Variants in PDZRN4 observed in about 807,000 individuals in gnomAD.
PDZRN4 encodes the protein PDZ domain containing ring finger 4.
A neutral mutation model predicts 99.0 loss-of-function variants in PDZRN4; 70 were observed. That is an observed-to-expected ratio of 0.71 (90% CI 0.58 to 0.86). The LOEUF is 0.86. Ranked by LOEUF, PDZRN4 falls within the 40% of genes least tolerant of loss-of-function variation. The probability of loss-of-function intolerance (pLI) is 0.00; values close to 1 mark genes in which losing one functional copy is unlikely to be tolerated. For synonymous variants in PDZRN4, 551 were observed against 501.6 expected (o/e 1.10, Z -1.32); for missense variants, 1,474 against 1,331.2 (o/e 1.11, Z -1.67).
chr12:41,235,646 G>A (rs943083313), intron 3 of PDZRN4, among the ~76,000 whole-genome samples: 2 of 152,112 alleles, frequency 1.3e-5, no homozygotes, highest in Admixed American at 1.3e-4. Flanking sequence ...CCTAAATTTA[G>A]ATGTAAAACA....
chr12:41,307,655 G>A (rs889053843), intron 3 of PDZRN4, among the ~76,000 whole-genome samples: 2 of 150,820 alleles, frequency 1.3e-5, no homozygotes, highest in African/African-American at 2.4e-5. Context: ...TTATACTACA[G>A]CAGCTTCACA....
chr12:41,242,008 G>A (rs1267748753), intron 3 of PDZRN4, among the ~76,000 whole-genome samples: 1 of 152,158 alleles, frequency 6.6e-6, no homozygotes, highest in Non-Finnish European at 1.5e-5. Context: ...ACTTGCAGTT[G>A]CAGCTCACAC....
chr12:41,466,671 G>T (rs1565590334), intron 3 of PDZRN4, among the ~76,000 whole-genome samples: 1 of 151,786 alleles, frequency 6.6e-6, no homozygotes, highest in Non-Finnish European at 1.5e-5. Context: ...CATGTAGAAG[G>T]GTTGGACAAA....
chr12:41,264,937 A>G (rs1951266561), intron 3 of PDZRN4, among the ~76,000 whole-genome samples: 1 of 152,148 alleles, frequency 6.6e-6, no homozygotes, highest in South Asian at 2.1e-4. Flanking sequence ...GGGTACTCCA[A>G]AAGTGAGGAG....
chr12:41,386,069 T>C (rs1477274675), intron 3 of PDZRN4, among the ~76,000 whole-genome samples: 1 of 152,166 alleles, frequency 6.6e-6, no homozygotes, highest in Non-Finnish European at 1.5e-5. Context: ...AAAAACTGCA[T>C]GATTGCCTCA....
At chr12:41,555,241 A>AAAAAAAAAAAAAAGAAAAG (rs1939135516) in intron 6 of PDZRN4, among the ~76,000 whole-genome samples, 1 of 119,964 alleles carries the variant, frequency 8.3e-6, no homozygotes, top group Non-Finnish European at 1.6e-5. Flanking sequence ...AAAAAAAAAA[A>AAAAAAAAAAAAAAGAAAAG]AAAAAAAAGA....
chr12:41,555,389 A>G (rs1344286966), intron 6 of PDZRN4, among the ~76,000 whole-genome samples: 1 of 151,862 alleles, frequency 6.6e-6, no homozygotes, highest in East Asian at 1.9e-4. Flanking sequence ...TACAGAAATG[A>G]GTGAACAAAT....
chr12:41,339,040 A>G (rs1951796167), intron 3 of PDZRN4, among the ~76,000 whole-genome samples: 1 of 151,978 alleles, frequency 6.6e-6, no homozygotes. Flanking sequence ...CAAAATGCCA[A>G]TGATGTTCTT....
At chr12:41,189,148 G>T in intron 1 of PDZRN4, 45 bp downstream of exon 1, 1 of 1,538,062 alleles carries the variant, frequency 6.5e-7, no homozygotes, top group East Asian at 2.4e-5. Flanking sequence ...CGATTGGGGT[G>T]GGAAAAGGAG....
intron 3 of PDZRN4, among the ~76,000 whole-genome samples, chr12:41,361,520 T>A (rs536987398): frequency 6.6e-6 from 1 of 152,164 alleles, no homozygotes; most frequent in East Asian, 1.9e-4. Context: ...ATTAGTGTGG[T>A]TGAACATTGT....
intron 3 of PDZRN4, among the ~76,000 whole-genome samples, chr12:41,240,787 G>T (rs543661690): frequency 6.6e-6 from 1 of 151,978 alleles, no homozygotes; most frequent in Non-Finnish European, 1.5e-5. Flanking sequence ...TGATATAAGC[G>T]CACTAATCCT....
At chr12:41,484,448 A>T (rs1454136858) in intron 3 of PDZRN4, among the ~76,000 whole-genome samples, 1 of 152,190 alleles carries the variant, frequency 6.6e-6, no homozygotes, top group African/African-American at 2.4e-5. Context: ...TGAGCTAGCT[A>T]TGTGAGTTTA....
intron 6 of PDZRN4, 42 bp from the exon 7 acceptor site, chr12:41,555,656 T>C (rs1392035511): frequency 6.9e-7 from 1 of 1,458,750 alleles, no homozygotes; most frequent in South Asian, 1.2e-5. Flanking sequence ...CTTGAGGGAA[T>C]GTTTCATACC....
chr12:41,281,457 C>T (rs551191455), intron 3 of PDZRN4, among the ~76,000 whole-genome samples: 10 of 152,214 alleles, frequency 6.6e-5, no homozygotes, highest in Non-Finnish European at 1.2e-4. Flanking sequence ...TGCAAGGAAG[C>T]TAAGAACCTT....
chr12:41,523,872 C>T (rs958821370), intron 5 of PDZRN4, among the ~76,000 whole-genome samples: 3 of 152,126 alleles, frequency 2.0e-5, no homozygotes, highest in African/African-American at 7.2e-5. Context: ...GACTCATGTA[C>T]TCATTTTTAA....
chr12:41,293,076 G>C (rs983683323), intron 3 of PDZRN4, among the ~76,000 whole-genome samples: 15 of 150,992 alleles, frequency 9.9e-5, no homozygotes, highest in Non-Finnish European at 1.6e-4. Context: ...GAGATAGGAG[G>C]GACGCTGGAG....
intron 3 of PDZRN4, among the ~76,000 whole-genome samples, chr12:41,421,973 T>C (rs1310609160): frequency 2.2e-4 from 34 of 152,200 alleles, no homozygotes; most frequent in African/African-American, 9.6e-5. Context: ...ACGATTTATT[T>C]ATTTAATTAT....
chr12:41,392,140 C>T (rs181404042), intron 3 of PDZRN4, among the ~76,000 whole-genome samples: 8 of 152,106 alleles, frequency 5.3e-5, no homozygotes, highest in African/African-American at 1.9e-4. Context: ...TGAATCTGTC[C>T]TAAAGGCTTT....
chr12:41,309,563 T>C (rs2120947227), intron 3 of PDZRN4, among the ~76,000 whole-genome samples: 1 of 152,268 alleles, frequency 6.6e-6, no homozygotes, highest in East Asian at 1.9e-4. Context: ...ACATGCTTTT[T>C]TGGGAGACAT....
Sources: allele counts gnomAD v4.1 joint callset (sites outside exome capture counted in the v4.1 genomes callset), GRCh38; gene constraint gnomAD v4.1.1; transcripts MANE v1.5; gene names NCBI Gene and HGNC (gene_info 2026-07-23, HGNC 2026-07-21).